GRM7: variants seen among roughly 807,000 people sequenced by gnomAD.
GRM7 encodes glutamate metabotropic receptor 7, also known as metabotropic glutamate receptor 7.
In GRM7, 35 loss-of-function variants were observed where a neutral mutation model predicts 84.5. That is an observed-to-expected ratio of 0.41 (90% CI 0.32 to 0.55). The LOEUF is 0.55. Among genes scored for constraint, GRM7 ranks in the 20% least tolerant of loss-of-function variants. The probability of loss-of-function intolerance (pLI) is 0.19; values close to 1 mark genes in which losing one functional copy is unlikely to be tolerated. For missense variants in GRM7, 1,003 were observed against 1,194.6 expected (o/e 0.84, Z 2.36); for synonymous variants, 487 against 455.1 (o/e 1.07, Z -0.89).
At chr3:7,703,403 A>C (rs950199652) in intron 9 of GRM7, among the ~76,000 whole-genome samples, 2 of 151,646 alleles carry the variant, frequency 1.3e-5, no homozygotes, top group Admixed American at 1.3e-4. Flanking sequence ...TTACTAAAAA[A>C]TTCTTATGAG....
intron 1 of GRM7, among the ~76,000 whole-genome samples, chr3:6,897,955 A>G (rs78045174): frequency 0.079 from 12,085 of 152,232 alleles, 539 homozygotes; most frequent in Middle Eastern, 0.13. Context: ...GCCGCCATCC[A>G]TCACTCAGCA....
At chr3:7,085,098 G>A (rs575890758) in intron 1 of GRM7, among the ~76,000 whole-genome samples, 3 of 152,246 alleles carry the variant, frequency 2.0e-5, no homozygotes, top group African/African-American at 7.2e-5. Context: ...AGTCCATTGA[G>A]TGGCATTTTA....
chr3:7,062,660 T>G (rs1697469383), intron 1 of GRM7, among the ~76,000 whole-genome samples: 1 of 151,738 alleles, frequency 6.6e-6, no homozygotes, highest in South Asian at 2.1e-4. Context: ...TGTAAAAAGT[T>G]GACTTTTAGC....
intron 8 of GRM7, among the ~76,000 whole-genome samples, chr3:7,675,958 AAGAC>A (rs1303577834): frequency 2.0e-5 from 3 of 152,172 alleles, no homozygotes; most frequent in Admixed American, 1.3e-4. Context: ...AGAAAACTGA[AAGAC>A]AGAGAGAATA....
At chr3:7,468,047 A>G (rs1308634963) in intron 7 of GRM7, among the ~76,000 whole-genome samples, 1 of 152,238 alleles carries the variant, frequency 6.6e-6, no homozygotes, top group Non-Finnish European at 1.5e-5. Flanking sequence ...TCTGTTTAAT[A>G]CAATTAAATG....
intron 1 of GRM7, among the ~76,000 whole-genome samples, chr3:6,876,494 A>T (rs1347594907): frequency 6.6e-6 from 1 of 152,062 alleles, no homozygotes; most frequent in African/African-American, 2.4e-5. Context: ...TAGTGCACAC[A>T]TGGAGCAGAG....
chr3:6,988,726 C>T (rs1459833736), intron 1 of GRM7, among the ~76,000 whole-genome samples: 2 of 152,152 alleles, frequency 1.3e-5, no homozygotes, highest in African/African-American at 4.8e-5. Flanking sequence ...TTCAGAAGAA[C>T]ATGTACTCTG....
intron 4 of GRM7, among the ~76,000 whole-genome samples, chr3:7,311,474 A>C (rs1194241053): frequency 6.6e-6 from 1 of 152,170 alleles, no homozygotes; most frequent in Non-Finnish European, 1.5e-5. Flanking sequence ...AATGGAATGC[A>C]TGAATATTTC....
At chr3:7,176,902 A>G (rs547937932) in intron 2 of GRM7, among the ~76,000 whole-genome samples, 1 of 152,360 alleles carries the variant, frequency 6.6e-6, no homozygotes, top group East Asian at 1.9e-4. Flanking sequence ...AGGAGTCACC[A>G]TTACCTGTAA....
At position 6,960,421 on chromosome 3, in the gene GRM7, A is replaced by G. The variant is rs77879336; in HGVS notation, c.519+98514A>G. Among the ~76,000 whole-genome samples the G allele has an allele frequency of 6.4e-3, 975 of 152,128 alleles. 6 individuals are homozygous for G. The highest frequency in any genetic ancestry group is 0.027 in the Middle Eastern group (8 of 294). On this transcript the variant is annotated intron_variant, in intron 1 of 9. Coordinates refer to ENST00000357716, the MANE Select transcript of GRM7 (RefSeq NM_000844.4). ...ACCCAATCCAAATCAACATCTCTCC[A>G]CACTTCCTATGCTTCTGACACTAAT...
intron 8 of GRM7, among the ~76,000 whole-genome samples, chr3:7,663,618 A>G (rs554400106): frequency 6.6e-6 from 1 of 152,370 alleles, no homozygotes; most frequent in African/African-American, 2.4e-5. Context: ...ATAATCATTT[A>G]TAAATGTTAT....
intron 1 of GRM7, among the ~76,000 whole-genome samples, chr3:6,924,480 G>T (rs933450253): frequency 6.6e-6 from 1 of 151,648 alleles, no homozygotes; most frequent in Non-Finnish European, 1.5e-5. Context: ...GAATTTCTGG[G>T]GCTAGAGAGT....
At chr3:7,096,509 C>A (rs549335278) in intron 1 of GRM7, among the ~76,000 whole-genome samples, 29 of 152,172 alleles carry the variant, frequency 1.9e-4, no homozygotes, top group African/African-American at 7.0e-4. Flanking sequence ...CCCTCTCCCC[C>A]CACTGTGATG....
chr3:7,463,311 A>C (rs931906360), intron 7 of GRM7, among the ~76,000 whole-genome samples: 1 of 152,220 alleles, frequency 6.6e-6, no homozygotes, highest in Non-Finnish European at 1.5e-5. Flanking sequence ...GGGGTCTTAC[A>C]TGGGGGTTCT....
chr3:7,024,335 T>C (rs933538321), intron 1 of GRM7, among the ~76,000 whole-genome samples: 4 of 152,116 alleles, frequency 2.6e-5, no homozygotes, highest in African/African-American at 9.7e-5. Context: ...GGAAAGGAAA[T>C]CAGACCAAAC....
chr3:7,219,680 G>A (rs530643633), intron 2 of GRM7, among the ~76,000 whole-genome samples: 8 of 152,228 alleles, frequency 5.3e-5, no homozygotes, highest in East Asian at 3.9e-4. Context: ...GTTAGTGTTC[G>A]CATATTTTCT....
At chr3:7,129,778 G>A (rs965822366) in intron 1 of GRM7, among the ~76,000 whole-genome samples, 1 of 152,152 alleles carries the variant, frequency 6.6e-6, no homozygotes, top group Admixed American at 6.5e-5. Flanking sequence ...TACCAGCTCT[G>A]AATTCTTTAC....
intron 1 of GRM7, among the ~76,000 whole-genome samples, chr3:7,013,608 G>A (rs1361237247): frequency 6.6e-6 from 1 of 151,966 alleles, no homozygotes; most frequent in Non-Finnish European, 1.5e-5. Context: ...TCTCTTATAT[G>A]AGTTCGTTTG....
intron 1 of GRM7, among the ~76,000 whole-genome samples, chr3:7,132,795 A>C (rs919806554): frequency 6.6e-6 from 1 of 152,230 alleles, no homozygotes; most frequent in African/African-American, 2.4e-5. Context: ...CGGAATCATT[A>C]AGTGAAGATT....
Sources: gnomAD v4.1 joint callset for allele counts (sites outside exome capture counted in the v4.1 genomes callset) on GRCh38, gnomAD v4.1.1 for gene constraint, MANE v1.5 for transcripts, NCBI Gene and HGNC (gene_info 2026-07-23, HGNC 2026-07-21) for gene names.